Variants in PKHD1 observed in about 807,000 individuals in gnomAD.
PKHD1 encodes fibrocystin.
In PKHD1, 291 loss-of-function variants were observed where a neutral mutation model predicts 412.0. The observed-to-expected ratio is 0.71, with a 90% confidence interval of 0.64 to 0.78. The LOEUF is 0.78. Ranked by LOEUF, PKHD1 falls within the 30% of genes least tolerant of loss-of-function variation. The pLI is 0.00. For missense variants in PKHD1, 4,825 were observed against 4,950.7 expected, an observed-to-expected ratio of 0.97 and a Z score of 0.76; for synonymous variants, 1,777 against 1,821.5, an observed-to-expected ratio of 0.98 and a Z score of 0.62.
rs373186553 is a variant in PKHD1, at chr6:51,918,055, A to C, written c.6122-5479T>G. Among the ~76,000 whole-genome samples the C allele has an allele frequency of 5.3e-5, 8 of 152,196 alleles. No homozygotes were observed. The East Asian group carries it at 1.2e-3, about 22-fold the overall frequency. Reference sequence around the variant, plus strand: ...AGGGAAACTGAGAGCCTGATGTGTTACTCTATGAACTAGATATCAGACCTT... The same window carrying C: ...AGGGAAACTGAGAGCCTGATGTGTTCCTCTATGAACTAGATATCAGACCTT... On this transcript the variant is annotated intron_variant, in intron 37 of 66. Coordinates refer to ENST00000371117, the MANE Select transcript of PKHD1 (RefSeq NM_138694.4).
intron 34 of PKHD1, among the ~76,000 whole-genome samples, chr6:52,014,257 G>A (rs181376128): frequency 1.8e-4 from 27 of 152,222 alleles, no homozygotes; most frequent in East Asian, 3.9e-4. Flanking sequence ...GCTTCTCTTC[G>A]TAACATAAAA....
chr6:51,725,965 C>A (rs542893681), intron 60 of PKHD1, among the ~76,000 whole-genome samples: 52 of 152,314 alleles, frequency 3.4e-4, no homozygotes, highest in Admixed American at 1.4e-3. Context: ...TAGCCAAATG[C>A]AGCTCTGGTG....
intron 36 of PKHD1, among the ~76,000 whole-genome samples, chr6:51,952,845 A>G (rs1028752288): frequency 6.6e-6 from 1 of 152,134 alleles, no homozygotes; most frequent in South Asian, 2.1e-4. Flanking sequence ...TGCCTGCCAA[A>G]TATAGGAAGA....
At chr6:51,670,446 C>T (rs1334660140) in intron 60 of PKHD1, among the ~76,000 whole-genome samples, 8 of 151,558 alleles carry the variant, frequency 5.3e-5, no homozygotes, top group Admixed American at 2.0e-4. Context: ...TGTGTCTCTG[C>T]ACGTGAGATG....
chr6:51,989,959 A>AGAAGGAAG (rs769016813), intron 35 of PKHD1, among the ~76,000 whole-genome samples: 3 of 36,582 alleles, frequency 8.2e-5, no homozygotes, highest in African/African-American at 3.2e-4. Context: ...AAGGAAGGAA[A>AGAAGGAAG]GAAGGAAGGA....
At chr6:51,757,404 A>T (rs745518053) in intron 55 of PKHD1, among the ~76,000 whole-genome samples, 4 of 152,144 alleles carry the variant, frequency 2.6e-5, no homozygotes, top group African/African-American at 4.8e-5. Context: ...AAACTCATAA[A>T]GCTTCATTTT....
chr6:51,829,848 G>A (rs1300491575), intron 52 of PKHD1, among the ~76,000 whole-genome samples: 1 of 152,134 alleles, frequency 6.6e-6, no homozygotes, highest in Non-Finnish European at 1.5e-5. Flanking sequence ...ATGAGGACTG[G>A]AAGAAAGACT....
intron 36 of PKHD1, among the ~76,000 whole-genome samples, chr6:51,949,327 C>T (rs943954345): frequency 1.3e-5 from 2 of 152,144 alleles, no homozygotes; most frequent in Non-Finnish European, 2.9e-5. Flanking sequence ...AGGAATCATC[C>T]ATTCAAGATG....
chr6:51,823,117 A>G (rs1480968094), intron 52 of PKHD1, among the ~76,000 whole-genome samples: 1 of 151,832 alleles, frequency 6.6e-6, no homozygotes, highest in African/African-American at 2.4e-5. Context: ...AATTATACCT[A>G]TTGCAACTAA....
At chr6:51,988,937 C>T (rs1397767862) in intron 35 of PKHD1, among the ~76,000 whole-genome samples, 1 of 152,218 alleles carries the variant, frequency 6.6e-6, no homozygotes, top group Non-Finnish European at 1.5e-5. Context: ...CTGCACAGCA[C>T]TAGCTATAGA....
chr6:52,008,404 A>G (rs952692529), intron 35 of PKHD1, among the ~76,000 whole-genome samples: 1 of 152,170 alleles, frequency 6.6e-6, no homozygotes, highest in African/African-American at 2.4e-5. Flanking sequence ...AATATCTCTT[A>G]AAAGTGGGGT....
At chr6:51,756,968 C>A (rs12055557) in intron 55 of PKHD1, among the ~76,000 whole-genome samples, 48,462 of 151,918 alleles carry the variant, frequency 0.32, 9,637 homozygotes, top group East Asian at 0.7. Flanking sequence ...AAGGAGCATG[C>A]AACCTAGATC....
intron 35 of PKHD1, among the ~76,000 whole-genome samples, chr6:51,974,281 C>T (rs1051536462): frequency 1.3e-5 from 2 of 152,090 alleles, no homozygotes; most frequent in African/African-American, 4.8e-5. Flanking sequence ...TCACCATGAA[C>T]CAGAAAGAAT....
At chr6:52,023,371 T>G (rs1801689545) in intron 32 of PKHD1, among the ~76,000 whole-genome samples, 1 of 152,190 alleles carries the variant, frequency 6.6e-6, no homozygotes, top group Admixed American at 6.5e-5. Context: ...CATTATTCTA[T>G]CCATATTATT....
At chr6:51,809,346 A>C (rs1179050398) in intron 52 of PKHD1, among the ~76,000 whole-genome samples, 1 of 151,944 alleles carries the variant, frequency 6.6e-6, no homozygotes, top group Non-Finnish European at 1.5e-5. Context: ...TGCCATCTTA[A>C]TTACTAAGTA....
intron 53 of PKHD1, among the ~76,000 whole-genome samples, chr6:51,777,504 C>T (rs1791229559): frequency 6.6e-6 from 1 of 151,944 alleles, no homozygotes; most frequent in South Asian, 2.1e-4. Flanking sequence ...CCTGATGCAT[C>T]ATCTTAGTGA....
At chr6:51,780,130 G>A (rs1213031361) in intron 53 of PKHD1, among the ~76,000 whole-genome samples, 10 of 152,132 alleles carry the variant, frequency 6.6e-5, no homozygotes, top group Non-Finnish European at 1.5e-5. Flanking sequence ...GCTCATTCCT[G>A]TAATCCCAGC....
At chr6:51,766,174 AAAT>A (rs746769986) in intron 55 of PKHD1, among the ~76,000 whole-genome samples, 2 of 152,112 alleles carry the variant, frequency 1.3e-5, no homozygotes, top group Non-Finnish European at 2.9e-5. Context: ...CATGTCAAAT[AAAT>A]AATTTTAAAT....
At chr6:51,627,918 C>A (rs1767465705) in intron 65 of PKHD1, among the ~76,000 whole-genome samples, 1 of 152,072 alleles carries the variant, frequency 6.6e-6, no homozygotes. Context: ...GGGAATAATA[C>A]AGTGAGTAAA....
Sources: gnomAD v4.1 joint callset for allele counts (sites outside exome capture counted in the v4.1 genomes callset) on GRCh38, gnomAD v4.1.1 for gene constraint, MANE v1.5 for transcripts, NCBI Gene and HGNC (gene_info 2026-07-23, HGNC 2026-07-21) for gene names.